BTC: variants seen among roughly 807,000 people sequenced by gnomAD.
The protein encoded by BTC is probetacellulin.
A neutral mutation model predicts 18.1 loss-of-function variants in BTC; 13 were observed. The observed-to-expected ratio is 0.72, with a 90% CI of 0.47 to 1.14. The LOEUF is 1.14. BTC is among the 50% of genes most tolerant of loss of function. The pLI is 0.00. For missense variants in BTC, 247 were observed against 224.2 expected (o/e 1.10, Z -0.65); for synonymous variants, 83 against 79.4 (o/e 1.05, Z -0.24).
chr4:74,776,783 T>C (rs988605048), intron 1 of BTC, among the ~76,000 whole-genome samples: 19 of 152,190 alleles, frequency 1.2e-4, no homozygotes, highest in African/African-American at 4.6e-4. Context: ...GAATTTTCCA[T>C]TTTTAGAGCC....
At chr4:74,747,536 C>G (rs1403561749) in intron 5 of BTC, among the ~76,000 whole-genome samples, 1 of 152,126 alleles carries the variant, frequency 6.6e-6, no homozygotes. Context: ...AATTCTCAAG[C>G]TCAGGGAGAC....
intron 1 of BTC, among the ~76,000 whole-genome samples, chr4:74,792,320 T>C (rs184677421): frequency 1.3e-4 from 20 of 152,336 alleles, no homozygotes; most frequent in Non-Finnish European, 2.5e-4. Flanking sequence ...TTTCTGTCTT[T>C]TGACAAGTTT....
intron 1 of BTC, among the ~76,000 whole-genome samples, chr4:74,781,421 T>C (rs1218045944): frequency 8.4e-6 from 1 of 119,684 alleles, no homozygotes; most frequent in Non-Finnish European, 1.6e-5. Context: ...GTGTGTGGCT[T>C]CAGTTACCAA....
chr4:74,794,478 A>G lies in BTC; in HGVS notation c.-153T>C. 1 of 866,352 alleles carries G rather than the reference A, an allele frequency of 1.2e-6. No homozygotes were observed. Among genetic ancestry groups the G allele is most frequent in the African/African-American group, 1.7e-5 (1 of 57,186 alleles). 53.7% of individuals were successfully genotyped at this position (866,352 alleles called of 1,614,324 possible). A position where few individuals can be genotyped will look rare whatever the true frequency, so the allele number is the denominator to read the frequency against. ...CTTCCCAGGCTGGCACCCTGGCTAC[A>G]AGGCAGGGAAACACCCAGGGCGGGA... On this transcript the variant is annotated 5_prime_UTR_variant, in exon 1 of 6. Transcript: ENST00000395743.
intron 2 of BTC, among the ~76,000 whole-genome samples, chr4:74,759,655 G>GT (rs34884026): frequency 8.1e-5 from 10 of 123,672 alleles, no homozygotes; most frequent in Middle Eastern, 3.9e-3. Context: ...TGACATTTAA[G>GT]TTAAAAAAAA....
chr4:74,771,402 T>G (rs6532431), intron 1 of BTC, among the ~76,000 whole-genome samples: 40,689 of 152,102 alleles, frequency 0.27, 7,979 homozygotes, highest in African/African-American at 0.56. Flanking sequence ...TAAACTTATG[T>G]ATGTTCTCCA....
intron 2 of BTC, among the ~76,000 whole-genome samples, chr4:74,768,648 T>C (rs1038335521): frequency 1.3e-5 from 2 of 152,150 alleles, no homozygotes; most frequent in Non-Finnish European, 2.9e-5. Context: ...TAGTGCAACA[T>C]TAATAAATTT....
intron 4 of BTC, among the ~76,000 whole-genome samples, chr4:74,749,762 A>AAG (rs1724407609): frequency 6.7e-6 from 1 of 148,816 alleles, no homozygotes; most frequent in African/African-American, 2.5e-5. Context: ...AAAAAAAAAA[A>AAG]AAGTTCCCAA....
chr4:74,750,068 C>A lies in BTC; in HGVS notation c.428+505G>T, dbSNP rs571175538. 7.9e-5 allele frequency among the ~76,000 whole-genome samples: 12 copies of A among 152,100 alleles called. No individual in the cohort carries two copies. In the East Asian group the frequency reaches 2.3e-3, roughly 29 times the overall value. On this transcript the variant is annotated intron_variant, in intron 4 of 5. Transcript: ENST00000395743. ...CTATGTTTACACCACTGCCCTCCAG[C>A]CTGGGCAAAAGAGCGAGACTCTGTC...
At chr4:74,792,867 C>T (rs959187918) in intron 1 of BTC, among the ~76,000 whole-genome samples, 1 of 152,228 alleles carries the variant, frequency 6.6e-6, no homozygotes, top group South Asian at 2.1e-4. Context: ...GTGAATTTTT[C>T]CACAGGTTAC....
chr4:74,745,602 T>C lies in BTC; in HGVS notation c.*1075A>G, dbSNP rs1240524342. On this transcript the variant is annotated 3_prime_UTR_variant, in exon 6 of 6. Coordinates refer to ENST00000395743, the MANE Select transcript of BTC (RefSeq NM_001729.4). The stretch of plus-strand genomic sequence containing the variant: ...AGATGGTCCCAAGTAATAGATGTTA[T>C]GGTCATGAATTTACTGCATCAAAAT... 1 of 152,184 alleles carries C rather than the reference T, an allele frequency of 6.6e-6. No homozygotes were observed. The highest frequency in any genetic ancestry group is 2.4e-5 in the African/African-American group (1 of 41,432). 9.4% of individuals were successfully genotyped at this position (152,184 alleles called of 1,614,324 possible).
intron 1 of BTC, among the ~76,000 whole-genome samples, chr4:74,790,181 C>A (rs1288549849): frequency 6.6e-6 from 1 of 152,104 alleles, no homozygotes; most frequent in Non-Finnish European, 1.5e-5. Context: ...TGATGACATT[C>A]GGGAAGTATC....
At chr4:74,776,222 G>GT (rs1297201720) in intron 1 of BTC, among the ~76,000 whole-genome samples, 2 of 150,316 alleles carry the variant, frequency 1.3e-5, no homozygotes, top group African/African-American at 4.9e-5. Flanking sequence ...CCTTTTAAAT[G>GT]TTTTTTGGGT....
chr4:74,785,814 T>TGGGCAA (rs1725463581), intron 1 of BTC, among the ~76,000 whole-genome samples: 3 of 152,180 alleles, frequency 2.0e-5, no homozygotes, highest in Non-Finnish European at 2.9e-5. Context: ...GCCAGAACCT[T>TGGGCAA]GGGCAAGTTG....
At chr4:74,772,623 G>A (rs1459119288) in intron 1 of BTC, among the ~76,000 whole-genome samples, 2 of 149,550 alleles carry the variant, frequency 1.3e-5, no homozygotes, top group Admixed American at 6.7e-5. Flanking sequence ...GCAGTAATAG[G>A]AGACCTTAAT....
intron 3 of BTC, among the ~76,000 whole-genome samples, chr4:74,752,527 G>A (rs1724491580): frequency 6.6e-6 from 1 of 151,670 alleles, no homozygotes. Context: ...TAAACCACGC[G>A]CGCCACCATG....
At chr4:74,747,057 GT>G (rs1319193255) in intron 5 of BTC, among the ~76,000 whole-genome samples, 3 of 152,210 alleles carry the variant, frequency 2.0e-5, no homozygotes, top group Non-Finnish European at 4.4e-5. Context: ...TGAGCCTCTG[GT>G]TTGACAAGTG....
intron 1 of BTC, among the ~76,000 whole-genome samples, chr4:74,780,446 T>A: frequency 6.6e-6 from 1 of 152,100 alleles, no homozygotes; most frequent in East Asian, 1.9e-4. Flanking sequence ...TCAACCAAAC[T>A]TACAATCACT....
intron 4 of BTC, 30 bp downstream of exon 4, chr4:74,750,543 T>G (rs200418020): frequency 6.3e-7 from 1 of 1,584,554 alleles, no homozygotes; most frequent in African/African-American, 1.4e-5. Context: ...TTTCTCAGAT[T>G]TACTTAAAAT....
Sources: gnomAD v4.1 joint callset for allele counts (sites outside exome capture counted in the v4.1 genomes callset) on GRCh38, gnomAD v4.1.1 for gene constraint, MANE v1.5 for transcripts, NCBI Gene and HGNC (gene_info 2026-07-23, HGNC 2026-07-21) for gene names.